KIZ: variants seen among roughly 807,000 people sequenced by gnomAD.
KIZ encodes the protein centrosomal protein kizuna.
KIZ carries 68 observed loss-of-function variants against 79.6 expected under a neutral mutation model. That is an observed-to-expected ratio of 0.85 (90% CI 0.70 to 1.05). The LOEUF (loss-of-function observed/expected upper bound fraction) is 1.05. Among genes scored for constraint, KIZ ranks in the 50% least tolerant of loss-of-function variants. The probability of loss-of-function intolerance (pLI) is 0.00; values close to 1 mark genes in which losing one functional copy is unlikely to be tolerated. For missense variants in KIZ, 797 were observed against 800.4 expected, an observed-to-expected ratio of 1.00 and a Z score of 0.05; for synonymous variants, 280 against 281.8, an observed-to-expected ratio of 0.99 and a Z score of 0.06.
rs80172905 is a variant in KIZ, at chr20:21,218,651, A to G, written c.1678+3003A>G. 3.4e-3 allele frequency: 515 copies of G among 152,370 alleles called. 4 individuals are homozygous for G. The highest frequency in any genetic ancestry group is 0.012 in the African/African-American group (484 of 41,594). The allele number at this position is 152,370 out of a possible 1,614,324, so 9.4% of individuals were successfully genotyped here. The stretch of plus-strand genomic sequence containing the variant: ...TTTGAAAATGGAATTCTTTCTGTTA[A>G]TAGCCAACAGAATTAATGTTCTGTG... On this transcript the variant is annotated intron_variant, in intron 9 of 12. Transcript: ENST00000619189.
intron 6 of KIZ, among the ~76,000 whole-genome samples, chr20:21,165,774 G>A (rs2033901381): frequency 6.6e-6 from 1 of 152,192 alleles, no homozygotes; most frequent in Non-Finnish European, 1.5e-5. Flanking sequence ...TTGCCCTTCA[G>A]CTAGTCAAAT....
chr20:21,126,177 G>A lies in KIZ; in HGVS notation c.62G>A (p.Gly21Asp), dbSNP rs1366301563. The change falls in exon 1 of 13, where the codon GGC becomes GAC. Residue 21 changes from glycine to aspartate, a missense_variant. Physicochemically the swap from Gly to Asp is moderately conservative, Grantham distance 94. Coordinates refer to ENST00000619189, the MANE Select transcript of KIZ (RefSeq NM_018474.6). ...AGTCCCGACTACTACGAGAGGCTGG[G>A]CCAACTCCAGCACGGGCTGCGGGAC... ...LSSPDYYERL[G>D]QLQHGLRDSE... The A allele has an allele frequency of 2.7e-6, 4 of 1,499,002 alleles. No homozygotes were observed. The East Asian group carries it at 1.1e-4, about 43-fold the overall frequency. 92.9% of individuals were successfully genotyped at this position (1,499,002 alleles called of 1,614,324 possible).
At chr20:21,163,191 C>T in intron 6 of KIZ, 32 bp downstream of exon 6, 1 of 1,452,880 alleles carries the variant, frequency 6.9e-7, no homozygotes, top group Non-Finnish European at 9.5e-7. Context: ...TTCTACTGTT[C>T]TGTTTTTAAT....
intron 9 of KIZ, among the ~76,000 whole-genome samples, chr20:21,216,912 T>C (rs909879969): frequency 1.3e-5 from 2 of 152,214 alleles, no homozygotes; most frequent in Non-Finnish European, 2.9e-5. Flanking sequence ...CCAAAGTTAA[T>C]GCAAATGTAT....
chr20:21,229,661 A>T (rs1205799923), intron 10 of KIZ, among the ~76,000 whole-genome samples: 1 of 152,038 alleles, frequency 6.6e-6, no homozygotes. Context: ...TGAAGCCTCA[A>T]CCTACCAATC....
At chr20:21,240,659 T>C (rs1488121223) in intron 11 of KIZ, among the ~76,000 whole-genome samples, 13 of 152,236 alleles carry the variant, frequency 8.5e-5, no homozygotes, top group Admixed American at 6.5e-5. Context: ...GGCAGTTCTT[T>C]ACAACAATGG....
At chr20:21,130,090 C>T (rs1048759700) in intron 1 of KIZ, among the ~76,000 whole-genome samples, 1 of 152,222 alleles carries the variant, frequency 6.6e-6, no homozygotes, top group Non-Finnish European at 1.5e-5. Flanking sequence ...CACCAGCTAT[C>T]TTAACGATGC....
chr20:21,187,411 C>T (rs1044635986), intron 6 of KIZ, among the ~76,000 whole-genome samples: 1 of 152,214 alleles, frequency 6.6e-6, no homozygotes, highest in Non-Finnish European at 1.5e-5. Flanking sequence ...CTGTACTAGA[C>T]CCATTCCCAT....
At chr20:21,180,888 G>A (rs1342262974) in intron 6 of KIZ, among the ~76,000 whole-genome samples, 1 of 152,092 alleles carries the variant, frequency 6.6e-6, no homozygotes, top group Non-Finnish European at 1.5e-5. Context: ...TCAAGCTGAG[G>A]CCCCAGACAT....
chr20:21,175,619 C>G (rs544376613), intron 6 of KIZ, among the ~76,000 whole-genome samples: 37 of 152,126 alleles, frequency 2.4e-4, no homozygotes, highest in Non-Finnish European at 5.4e-4. Flanking sequence ...AAAAGGCTTC[C>G]CCTCCCCCAT....
chr20:21,195,965 C>CTTGCCTCACCT (rs1568965722), intron 6 of KIZ: 9 of 152,292 alleles, frequency 5.9e-5, no homozygotes. Flanking sequence ...TTGCCTCACC[C>CTTGCCTCACCT]ACTTACCTGC....
At chr20:21,210,323 T>C (rs1366086176) in intron 7 of KIZ, among the ~76,000 whole-genome samples, 1 of 151,742 alleles carries the variant, frequency 6.6e-6, no homozygotes. Context: ...ATAATAATAA[T>C]GACTAATATA....
intron 9 of KIZ, among the ~76,000 whole-genome samples, chr20:21,224,846 A>G (rs1262627996): frequency 6.6e-6 from 1 of 152,214 alleles, no homozygotes; most frequent in Non-Finnish European, 1.5e-5. Flanking sequence ...ACATTTGCAT[A>G]TAAAAGAGAA....
chr20:21,189,859 G>A (rs2035039242), intron 6 of KIZ, among the ~76,000 whole-genome samples: 1 of 152,148 alleles, frequency 6.6e-6, no homozygotes, highest in South Asian at 2.1e-4. Context: ...TTGTGTTGCT[G>A]TCCCCTCCTT....
rs1403117528 is a variant in KIZ at position 21,141,823 on chromosome 20, A to ACACTCTCTCTCTCT, written c.316-3741_316-3740insACTCTCTCTCTCTC. On this transcript the variant is annotated intron_variant, in intron 3 of 12. Coordinates refer to ENST00000619189, the MANE Select transcript of KIZ (RefSeq NM_018474.6). ...AACACACACACACACACACACACAC[A>ACACTCTCTCTCTCT]CTCTCTCTCTCTCTCTCTCTCTCTC... Among the ~76,000 whole-genome samples the ACACTCTCTCTCTCT allele has an allele frequency of 4.8e-5, 5 of 104,060 alleles. No homozygotes were observed. In the Admixed American group the frequency reaches 5.1e-4, roughly 11 times the overall value. 68.3% of individuals were successfully genotyped at this position (104,060 alleles called of 152,430 possible). A position where few individuals can be genotyped will look rare whatever the true frequency, so the allele number is the denominator to read the frequency against.
At chr20:21,148,136 A>C (rs1160056833) in intron 4 of KIZ, among the ~76,000 whole-genome samples, 6 of 152,162 alleles carry the variant, frequency 3.9e-5, no homozygotes, top group Non-Finnish European at 7.4e-5. Context: ...CCATTCAGAC[A>C]GGAGGAATTA....
intron 3 of KIZ, among the ~76,000 whole-genome samples, chr20:21,141,812 C>CAA (rs2032548063): frequency 7.2e-6 from 1 of 139,338 alleles, no homozygotes; most frequent in African/African-American, 3.1e-5. Context: ...CACACACACA[C>CAA]ACACACACAC....
At chr20:21,197,019 G>A (rs2035370860) in intron 6 of KIZ, 1 of 152,196 alleles carries the variant, frequency 6.6e-6, no homozygotes, top group Non-Finnish European at 1.5e-5. Flanking sequence ...AAGTTGCTTT[G>A]TAACTAATCT....
At chr20:21,131,721 A>G (rs1476689320) in intron 1 of KIZ, 1 of 180,694 alleles carries the variant, frequency 5.5e-6, no homozygotes, top group Admixed American at 6.4e-5. Context: ...CAGGCCTAGA[A>G]CAGTGCCTGG....
Sources: gnomAD v4.1 joint callset for allele counts (sites outside exome capture counted in the v4.1 genomes callset) on GRCh38, gnomAD v4.1.1 for gene constraint, MANE v1.5 for transcripts, NCBI Gene and HGNC (gene_info 2026-07-23, HGNC 2026-07-21) for gene names.